Variants in BCAR3 observed in about 807,000 individuals in gnomAD.
BCAR3 encodes the protein breast cancer anti-estrogen resistance protein 3.
A neutral mutation model predicts 80.1 loss-of-function variants in BCAR3; 37 were observed. The observed-to-expected ratio is 0.46, with a 90% CI of 0.36 to 0.61. The LOEUF is 0.61. Among genes scored for constraint, BCAR3 ranks in the 20% least tolerant of loss-of-function variants. BCAR3 has a pLI of 0.00. For synonymous variants in BCAR3, 389 were observed against 418.9 expected (o/e 0.93, Z 0.87); for missense variants, 978 against 1,068.2 (o/e 0.92, Z 1.18).
rs1362765321 is a variant in BCAR3, at chr1:93,582,824, G to C, written c.1163C>G (p.Ala388Gly). The C allele has an allele frequency of 3.7e-6, 6 of 1,613,894 alleles. No individual in the cohort carries two copies. Among genetic ancestry groups the C allele is most frequent in the Non-Finnish European group, 5.1e-6 (6 of 1,180,006 alleles). ...VVRRVSSDAR[A>G]GEALRGSDSQ... ...GTCTGATCCCCTCAGCGCCTCCCCA[G>C]CCCTGGCGTCTGAGGAGACCCTCCG... Residue 388 changes from alanine to glycine, a missense_variant, in exon 7 of 12, where the codon GCT becomes GGT. Physicochemically the swap from Ala to Gly is moderately conservative, Grantham distance 60. Transcript: ENST00000260502.
chr1:93,653,999 A>AG (rs1238334300), intron 2 of BCAR3, among the ~76,000 whole-genome samples: 3 of 152,122 alleles, frequency 2.0e-5, no homozygotes, highest in Non-Finnish European at 4.4e-5. Flanking sequence ...ACCCAGAGCC[A>AG]CGATGGTCCT....
At position 93,632,707 on chromosome 1, in the gene BCAR3, C is replaced by T. The variant is rs372503446; in HGVS notation, c.357+9597G>A. ...GTGTTCCAATAAAACTATGGATGCA[C>T]ATAAAAACTGGAACTTTATGTAATT... On this transcript the variant is annotated intron_variant, in intron 3 of 11. Transcript: ENST00000260502. Among the ~76,000 whole-genome samples the T allele has an allele frequency of 2.6e-5, 4 of 152,228 alleles. No homozygotes were observed. In the East Asian group the frequency reaches 5.8e-4, roughly 22 times the overall value.
rs537031702 is a variant in BCAR3 at position 93,619,188 on chromosome 1, C to T, written c.357+23116G>A. Among the ~76,000 whole-genome samples, 14 of 151,556 alleles carry T rather than the reference C, an allele frequency of 9.2e-5. No homozygotes were observed. In the East Asian group the frequency reaches 1.2e-3, roughly 13 times the overall value. Reference sequence around the variant, plus strand: ...GGCTCGATCTCCTGACCTCGTGATCCGCCCACCTCGGCCTCCCAAAGTGCT... The same window carrying T: ...GGCTCGATCTCCTGACCTCGTGATCTGCCCACCTCGGCCTCCCAAAGTGCT... On this transcript the variant is annotated intron_variant, in intron 3 of 11. Coordinates refer to ENST00000260502, the MANE Select transcript of BCAR3 (RefSeq NM_003567.4).
Position 93,589,009 on chromosome 1 carries a change from T to C in BCAR3, c.897A>G (p.Arg299=). Residue 299 remains arginine (R), a synonymous_variant, in exon 5 of 12, where the codon CGA becomes CGG. Transcript: ENST00000260502. ...GGTTTCCCCTGGGCAAATTCTGCTCTCGGGCCTGGACGCCACCCATGGTGA... is the reference window on the plus strand; with the variant it reads ...GGTTTCCCCTGGGCAAATTCTGCTCCCGGGCCTGGACGCCACCCATGGTGA... ...LSLTMGGVQA[R]EQNLPRGNLL... is the part of the protein sequence containing the mutation. The C allele has an allele frequency of 6.3e-7, 1 of 1,591,506 alleles. No individual in the cohort carries two copies. The highest frequency in any genetic ancestry group is 1.1e-5 in the South Asian group (1 of 88,782).
chr1:93,656,618 T>G (rs914015082), intron 2 of BCAR3, among the ~76,000 whole-genome samples: 2 of 151,790 alleles, frequency 1.3e-5, no homozygotes, highest in African/African-American at 4.8e-5. Flanking sequence ...GTCTTTTTTT[T>G]TTTTTTTGAG....
Position 93,749,431 on chromosome 1 carries a change from A to C in BCAR3, c.-62-43289T>G, listed in dbSNP as rs373313830. Among the ~76,000 whole-genome samples, 10 of 152,098 alleles carry C rather than the reference A, an allele frequency of 6.6e-5. No individual in the cohort carries two copies. The South Asian group carries it at 2.1e-3, about 32-fold the overall frequency. On this transcript the variant is annotated intron_variant, in intron 2 of 13. Coordinates refer to the BCAR3 transcript ENST00000370244. ...GTGAAACCCCGTCTCTACTAAAAGT[A>C]CAAAAAAATTAGCCAGGCATGGTGA...
chr1:93,596,524 C>A (rs149538442), intron 3 of BCAR3, among the ~76,000 whole-genome samples: 1 of 152,194 alleles, frequency 6.6e-6, no homozygotes, highest in Non-Finnish European at 1.5e-5. Context: ...ATGAGTAACA[C>A]GGCTGTGCTC....
At chr1:93,798,264 T>C (rs1005655440) in intron 2 of BCAR3, among the ~76,000 whole-genome samples, 1 of 152,254 alleles carries the variant, frequency 6.6e-6, no homozygotes, top group Non-Finnish European at 1.5e-5. Flanking sequence ...ATTTGCTTTT[T>C]CCGCTTTGGA....
chr1:93,788,473 T>C (rs1653028328), intron 2 of BCAR3, among the ~76,000 whole-genome samples: 1 of 152,226 alleles, frequency 6.6e-6, no homozygotes, highest in Non-Finnish European at 1.5e-5. Context: ...GACTTAGAAC[T>C]CCTTTTAGCA....
chr1:93,671,238 C>T (rs1008577682), intron 2 of BCAR3, among the ~76,000 whole-genome samples: 2 of 152,304 alleles, frequency 1.3e-5, no homozygotes, highest in Middle Eastern at 3.4e-3. Context: ...CGTGATCTGT[C>T]CACCTCGGCT....
intron 2 of BCAR3, among the ~76,000 whole-genome samples, chr1:93,761,787 C>G (rs994797828): frequency 6.6e-6 from 1 of 152,164 alleles, no homozygotes; most frequent in African/African-American, 2.4e-5. Context: ...AATTCAATAA[C>G]ACAAAGATCG....
intron 1 of BCAR3, among the ~76,000 whole-genome samples, chr1:93,675,253 A>C (rs1292431797): frequency 6.6e-6 from 1 of 152,262 alleles, no homozygotes; most frequent in Non-Finnish European, 1.5e-5. Flanking sequence ...GAGAGGACTC[A>C]TAGTTGCAGT....
chr1:93,660,780 T>C (rs922405193), intron 2 of BCAR3, among the ~76,000 whole-genome samples: 1 of 152,278 alleles, frequency 6.6e-6, no homozygotes, highest in African/African-American at 2.4e-5. Flanking sequence ...AATGGCACGA[T>C]CTTGACTTAC....
rs766142531 is a variant in BCAR3 at position 93,674,631 on chromosome 1, G to A, written c.300C>T (p.Gly100=). The change falls in exon 2 of 12, where the codon GGC becomes GGT. Residue 100 remains glycine, a synonymous_variant. Transcript: ENST00000260502. ...GAAGTTACCTGAAGGTGAAGGTTTC[G>A]CCGTGCCGGTCCTGCCATGGGCTCT... ...IQESPWQDRH[G]ETFTFRDPHL... is the part of the protein sequence containing the mutation. 37 of 1,613,016 alleles carry A rather than the reference G, an allele frequency of 2.3e-5. No homozygotes were observed. The highest frequency in any genetic ancestry group is 1.7e-4 in the Middle Eastern group (1 of 5,936).
chr1:93,651,111 A>G (rs1406512722), intron 2 of BCAR3, among the ~76,000 whole-genome samples: 4 of 152,236 alleles, frequency 2.6e-5, no homozygotes, highest in African/African-American at 9.6e-5. Context: ...GCCACATAAC[A>G]TGGGAAGAAC....
intron 2 of BCAR3, among the ~76,000 whole-genome samples, chr1:93,741,801 C>T (rs983225465): frequency 6.6e-6 from 1 of 152,170 alleles, no homozygotes; most frequent in African/African-American, 2.4e-5. Context: ...ATACTCCTGA[C>T]CTCAGGTGTT....
chr1:93,579,037 A>G (rs888720130), intron 7 of BCAR3, among the ~76,000 whole-genome samples: 5 of 152,142 alleles, frequency 3.3e-5, no homozygotes, highest in Admixed American at 6.5e-5. Context: ...CTATAGGCAA[A>G]GACCTTGCGC....
chr1:93,755,064 A>G (rs976456267), intron 2 of BCAR3, among the ~76,000 whole-genome samples: 2 of 152,220 alleles, frequency 1.3e-5, no homozygotes, highest in African/African-American at 2.4e-5. Flanking sequence ...TTTTTAACAA[A>G]ACAAAAAACT....
rs184497439 is a variant in BCAR3 at position 93,641,927 on chromosome 1, T to C, written c.357+377A>G. Among the ~76,000 whole-genome samples the C allele has an allele frequency of 7.2e-5, 11 of 152,324 alleles. No individual in the cohort carries two copies. In the East Asian group the frequency reaches 1.7e-3, roughly 24 times the overall value. ...ACTACACAAAATCATTTGTCATCTA[T>C]TTATCCCTCTTAGTGTGAATATTCT... On this transcript the variant is annotated intron_variant, in intron 3 of 11. Coordinates refer to ENST00000260502, the MANE Select transcript of BCAR3 (RefSeq NM_003567.4).
Sources: gnomAD v4.1 joint callset for allele counts (sites outside exome capture counted in the v4.1 genomes callset) on GRCh38, gnomAD v4.1.1 for gene constraint, MANE v1.5 for transcripts, NCBI Gene and HGNC (gene_info 2026-07-23, HGNC 2026-07-21) for gene names.